The following CAMKK2 variants were observed in gnomAD, a reference collection of about 807,000 sequenced individuals.
CAMKK2 encodes the protein calcium/calmodulin dependent protein kinase kinase 2.
CAMKK2 carries 30 observed loss-of-function variants against 67.2 expected under a neutral mutation model. The ratio of observed to expected loss-of-function variants is 0.45; its 90% confidence interval spans 0.33 to 0.61. The LOEUF is 0.61. Among genes scored for constraint, CAMKK2 ranks in the 20% least tolerant of loss-of-function variants. The pLI is 0.02. For synonymous variants in CAMKK2, 322 were observed against 326.2 expected (o/e 0.99, Z 0.14); for missense variants, 643 against 802.0 (o/e 0.80, Z 2.39).
At chr12:121,271,089 A>G (rs1290643637) in intron 2 of CAMKK2, 144 bp from the exon 3 acceptor site, 3 of 656,158 alleles carry the variant, frequency 4.6e-6, no homozygotes, top group Non-Finnish European at 8.1e-6. Flanking sequence ...AGCCTGGCCA[A>G]CATGGTGAAA....
chr12:121,271,734 T>C (rs952643298), intron 2 of CAMKK2, among the ~76,000 whole-genome samples: 1 of 151,998 alleles, frequency 6.6e-6, no homozygotes, highest in African/African-American at 2.4e-5. Flanking sequence ...TGAGATGGAG[T>C]TTTGCTCTTG....
At position 121,249,804 on chromosome 12, in the gene CAMKK2, C is replaced by T. The variant is rs199783878; in HGVS notation, c.1306G>A (p.Val436Met). The change falls in exon 13 of 17, where the codon GTG (valine) becomes ATG (methionine). Residue 436 changes from valine (V) to methionine (M), a missense_variant. Coordinates refer to ENST00000404169, the MANE Select transcript of CAMKK2 (RefSeq NM_001270485.2). ...AAGGGTACCTTGATTTCCGGCACCACGATCCTCGACTCGGGGTTCTTGTCC... is the reference window on the plus strand; with the variant it reads ...AAGGGTACCTTGATTTCCGGCACCATGATCCTCGACTCGGGGTTCTTGTCC... ...MLDKNPESRI[V>M]VPEIKLHPWV... is the part of the protein sequence containing the mutation. 69 of 1,613,958 alleles carry T rather than the reference C, an allele frequency of 4.3e-5. 1 individual carries two copies. Among genetic ancestry groups the T allele is most frequent in the East Asian group, 1.6e-4 (7 of 44,884 alleles).
intron 6 of CAMKK2, 28 bp from the exon 7 acceptor site, chr12:121,260,383 G>A: frequency 6.2e-7 from 1 of 1,608,266 alleles, no homozygotes; most frequent in Non-Finnish European, 8.5e-7. Context: ...GAATAGGCAG[G>A]AGACGGATGG....
intron 3 of CAMKK2, 73 bp from the exon 4 acceptor site, chr12:121,269,654 C>T (rs912122185): frequency 4.3e-6 from 5 of 1,161,080 alleles, no homozygotes; most frequent in African/African-American, 3.1e-5. Flanking sequence ...CTAATACAGA[C>T]GTTGCAAACC....
chr12:121,253,626 C>T lies in CAMKK2; in HGVS notation c.908-154G>A, dbSNP rs576112166. Among the ~76,000 whole-genome samples, 6 of 152,290 alleles carry T rather than the reference C, an allele frequency of 3.9e-5. No individual in the cohort carries two copies. In the East Asian group the frequency reaches 9.6e-4, roughly 24 times the overall value. ...CTTTTCCAACCTTCCACTCCCCAAA[C>T]CCGCTGGGCACTGACATGCTCTAAA... On this transcript the variant is annotated intron_variant, in intron 9 of 16. Transcript: ENST00000404169. The surrounding 1 kb of genome is among the most constrained non-coding windows in gnomAD (Gnocchi z 5.0).
At chr12:121,243,808 G>T (rs777539020) in intron 16 of CAMKK2, 10 of 1,140,832 alleles carry the variant, frequency 8.8e-6, no homozygotes, top group Non-Finnish European at 1.0e-5. Flanking sequence ...TACATGGTAT[G>T]TGAATTGTAC....
Position 121,240,242 on chromosome 12 carries a change from C to A in CAMKK2, c.*457G>T. The stretch of plus-strand genomic sequence containing the variant: ...AAGGTGCCATGGTTTCCGGTTTGCA[C>A]TAGGAGCCACATCTAGCCCCCTACT... On this transcript the variant is annotated 3_prime_UTR_variant, in exon 17 of 17. Coordinates refer to ENST00000404169, the MANE Select transcript of CAMKK2 (RefSeq NM_001270485.2). This position sits in a 1 kb window ranked among gnomAD's most constrained non-coding sequence, Gnocchi z 4.4. 1.6e-6 allele frequency: 1 copy of A among 615,490 alleles called. No homozygotes were observed. Among genetic ancestry groups the A allele is most frequent in the Non-Finnish European group, 2.8e-6 (1 of 354,012 alleles). The allele number at this position is 615,490 out of a possible 1,614,324, so 38.1% of individuals were successfully genotyped here.
At chr12:121,281,895 A>T (rs996242656) in intron 1 of CAMKK2, among the ~76,000 whole-genome samples, 1 of 152,214 alleles carries the variant, frequency 6.6e-6, no homozygotes, top group Non-Finnish European at 1.5e-5. Flanking sequence ...GTGGTGAGCC[A>T]AGATTGGGCC....
At chr12:121,254,502 A>G (rs914823007) in intron 9 of CAMKK2, among the ~76,000 whole-genome samples, 1 of 151,922 alleles carries the variant, frequency 6.6e-6, no homozygotes, top group Non-Finnish European at 1.5e-5. Context: ...CAGAAAGGAC[A>G]CCTGCCAATC....
chr12:121,260,405 A>G (rs771528227), intron 6 of CAMKK2, 50 bp from the exon 7 acceptor site: 3 of 1,564,350 alleles, frequency 1.9e-6, no homozygotes, highest in African/African-American at 2.7e-5. Context: ...GGGGGAGAAA[A>G]AGAGAGAATA....
intron 1 of CAMKK2, among the ~76,000 whole-genome samples, chr12:121,280,185 T>G (rs1897509379): frequency 1.3e-5 from 2 of 152,220 alleles, no homozygotes; most frequent in South Asian, 4.1e-4. Flanking sequence ...ACATGGATTG[T>G]GAAGATTTTA....
At chr12:121,248,876 G>A (rs757880652) in intron 13 of CAMKK2, 142 bp from the exon 14 acceptor site, 1 of 878,796 alleles carries the variant, frequency 1.1e-6, no homozygotes, top group Non-Finnish European at 1.8e-6. Context: ...CGAGCAGAGG[G>A]CAGGGGTGAG....
At chr12:121,246,976 C>A (rs901593413) in intron 14 of CAMKK2, among the ~76,000 whole-genome samples, 1 of 152,166 alleles carries the variant, frequency 6.6e-6, no homozygotes, top group Non-Finnish European at 1.5e-5. Flanking sequence ...CAGACCACTT[C>A]CCAGTATCTA....
At chr12:121,251,369 T>C (rs529860002) in intron 11 of CAMKK2, among the ~76,000 whole-genome samples, 109 of 152,286 alleles carry the variant, frequency 7.2e-4, no homozygotes, top group African/African-American at 2.6e-3. Context: ...GCTACATGAT[T>C]GAAAAATTTT....
chr12:121,250,944 A>G (rs1208954858), intron 11 of CAMKK2, among the ~76,000 whole-genome samples: 1 of 152,224 alleles, frequency 6.6e-6, no homozygotes. Flanking sequence ...GAGGGATTTA[A>G]GCCTAGATTC....
intron 7 of CAMKK2, among the ~76,000 whole-genome samples, chr12:121,259,040 G>A (rs1033591707): frequency 3.3e-4 from 50 of 151,760 alleles, no homozygotes; most frequent in African/African-American, 1.2e-3. Flanking sequence ...ACGGGGTTTC[G>A]CTATGCTGCC....
intron 7 of CAMKK2, among the ~76,000 whole-genome samples, chr12:121,259,433 A>C (rs1434929430): frequency 6.6e-6 from 1 of 152,226 alleles, no homozygotes; most frequent in African/African-American, 2.4e-5. Flanking sequence ...TTGAATGAAC[A>C]AAGGCACGCC....
At chr12:121,256,072 T>C (rs1422449784) in intron 7 of CAMKK2, among the ~76,000 whole-genome samples, 2 of 152,130 alleles carry the variant, frequency 1.3e-5, no homozygotes, top group South Asian at 2.1e-4. Context: ...CAGGATCCAC[T>C]GGTCAAAGAA....
chr12:121,287,226 C>T (rs530408277), intron 1 of CAMKK2, among the ~76,000 whole-genome samples: 6 of 152,198 alleles, frequency 3.9e-5, no homozygotes, highest in East Asian at 3.9e-4. Context: ...TATTTTAAAA[C>T]GAAATCTCTT....
Sources: gnomAD v4.1 joint callset for allele counts (sites outside exome capture counted in the v4.1 genomes callset) on GRCh38, gnomAD v4.1.1 for gene constraint, Gnocchi (gnomAD v3.1) non-coding constraint, MANE v1.5 for transcripts, NCBI Gene and HGNC (gene_info 2026-07-23, HGNC 2026-07-21) for gene names.